Variants in RNF130 observed in about 807,000 individuals in gnomAD.
The protein encoded by RNF130 is ring finger protein 130, also known as E3 ubiquitin-protein ligase RNF130.
A neutral mutation model predicts 44.6 loss-of-function variants in RNF130; 21 were observed. The observed-to-expected ratio is 0.47, with a 90% confidence interval of 0.33 to 0.68. The LOEUF (loss-of-function observed/expected upper bound fraction) is 0.68, where lower values mean the gene tolerates loss of function less well. Among genes scored for constraint, RNF130 ranks in the 30% least tolerant of loss-of-function variants. RNF130 has a pLI of 0.02. For missense variants in RNF130, 479 were observed against 560.6 expected, an observed-to-expected ratio of 0.85 and a Z score of 1.47; for synonymous variants, 214 against 210.4, an observed-to-expected ratio of 1.02 and a Z score of -0.15.
chr5:180,027,246 A>G (rs1764012659), intron 2 of RNF130, among the ~76,000 whole-genome samples: 1 of 152,082 alleles, frequency 6.6e-6, no homozygotes, highest in African/African-American at 2.4e-5. Context: ...AGCTTATGTG[A>G]TTCTGACACC....
intron 7 of RNF130, among the ~76,000 whole-genome samples, chr5:179,946,292 G>A (rs1762035450): frequency 6.6e-6 from 1 of 152,240 alleles, no homozygotes; most frequent in Non-Finnish European, 1.5e-5. Context: ...TAGCCGCGCG[G>A]GGTCTGTGTG....
chr5:179,985,744 T>C (rs1460688816), intron 3 of RNF130, among the ~76,000 whole-genome samples: 1 of 152,194 alleles, frequency 6.6e-6, no homozygotes, highest in Non-Finnish European at 1.5e-5. Context: ...GTCTTGATCA[T>C]AGACCTGACT....
intron 3 of RNF130, among the ~76,000 whole-genome samples, chr5:179,986,563 A>G (rs1386156930): frequency 2.6e-5 from 4 of 152,258 alleles, no homozygotes; most frequent in Non-Finnish European, 5.9e-5. Flanking sequence ...ATGACATTTC[A>G]AGTGGACACT....
At chr5:180,061,027 T>C (rs1423821568) in intron 1 of RNF130, among the ~76,000 whole-genome samples, 4 of 116,944 alleles carry the variant, frequency 3.4e-5, no homozygotes, top group Non-Finnish European at 6.4e-5. Flanking sequence ...GCCAAGATTG[T>C]CCCACTGCAC....
exon 8 of RNF130, chr5:179,920,099 C>T (rs755004099): frequency 5.1e-5 from 24 of 473,178 alleles, no homozygotes; most frequent in South Asian, 1.9e-4. Flanking sequence ...TCAGCTTGGG[C>T]GGGTTTTCAA....
At chr5:179,976,015 A>T (rs914880767) in intron 5 of RNF130, among the ~76,000 whole-genome samples, 9 of 152,122 alleles carry the variant, frequency 5.9e-5, no homozygotes, top group African/African-American at 2.2e-4. Context: ...AGGTCTGGAA[A>T]GCAATGAACT....
chr5:179,980,203 A>G lies in RNF130; in HGVS notation c.694-3T>C. On this transcript the variant is annotated splice_region_variant and splice_polypyrimidine_tract_variant and intron_variant, in intron 3 of 8. Transcript: ENST00000521389. ...TTGGCTGCATCTCCGAGACGACGCT[A>G]TGAAAATTGCAAATAAAAACAGATA... is the stretch of plus-strand genomic sequence containing the variant. The G allele has an allele frequency of 1.2e-6, 2 of 1,614,050 alleles. No individual in the cohort carries two copies. The highest frequency in any genetic ancestry group is 1.7e-6 in the Non-Finnish European group (2 of 1,179,908).
chr5:180,065,600 A>T (rs1765085241), intron 1 of RNF130, among the ~76,000 whole-genome samples: 1 of 152,076 alleles, frequency 6.6e-6, no homozygotes, highest in South Asian at 2.1e-4. Flanking sequence ...CTCTACTAAA[A>T]CTACAAAAAA....
At chr5:180,014,101 A>G (rs944665518) in intron 2 of RNF130, among the ~76,000 whole-genome samples, 1 of 152,234 alleles carries the variant, frequency 6.6e-6, no homozygotes, top group African/African-American at 2.4e-5. Context: ...CCAGCCTCTA[A>G]CAGTTGTCCA....
chr5:180,009,248 T>A (rs1050664657), intron 3 of RNF130, among the ~76,000 whole-genome samples: 7 of 152,124 alleles, frequency 4.6e-5, no homozygotes, highest in African/African-American at 1.7e-4. Context: ...AAGAAAAAAT[T>A]AATAAACCAT....
At chr5:180,016,124 ACAG>A (rs1447812039) in intron 2 of RNF130, among the ~76,000 whole-genome samples, 1 of 151,786 alleles carries the variant, frequency 6.6e-6, no homozygotes, top group Non-Finnish European at 1.5e-5. Context: ...GGGCAGGAGG[ACAG>A]CAGAACGAAA....
At chr5:179,986,634 C>T (rs889872628) in intron 3 of RNF130, among the ~76,000 whole-genome samples, 4 of 152,144 alleles carry the variant, frequency 2.6e-5, no homozygotes, top group Non-Finnish European at 4.4e-5. Flanking sequence ...TAATACAGTA[C>T]GTACTACTGT....
At chr5:179,924,213 C>G (rs1761674575) in intron 7 of RNF130, among the ~76,000 whole-genome samples, 1 of 151,748 alleles carries the variant, frequency 6.6e-6, no homozygotes, top group Non-Finnish European at 1.5e-5. Flanking sequence ...ATAAAAATTA[C>G]TGCTGGGCGT....
At chr5:179,960,323 T>C (rs1045754234) in intron 8 of RNF130, among the ~76,000 whole-genome samples, 2 of 152,234 alleles carry the variant, frequency 1.3e-5, no homozygotes, top group African/African-American at 4.8e-5. Context: ...ATTTACCAGA[T>C]CTGTTTGCAG....
intron 3 of RNF130, among the ~76,000 whole-genome samples, chr5:180,001,478 C>A (rs1385994337): frequency 6.6e-6 from 1 of 152,134 alleles, no homozygotes; most frequent in Non-Finnish European, 1.5e-5. Context: ...GTAGCTTGGA[C>A]CTAAGAGTCT....
At chr5:180,023,345 C>T (rs1763915370) in intron 2 of RNF130, among the ~76,000 whole-genome samples, 1 of 152,134 alleles carries the variant, frequency 6.6e-6, no homozygotes, top group Admixed American at 6.5e-5. Context: ...ATCTAATGCC[C>T]GGATCTTGGT....
chr5:180,032,985 T>A (rs1182442382), intron 2 of RNF130, among the ~76,000 whole-genome samples: 2 of 152,132 alleles, frequency 1.3e-5, no homozygotes, highest in Non-Finnish European at 2.9e-5. Context: ...CAGATTTTTT[T>A]TTTTTTTGAG....
chr5:179,920,795 A>ATATAT (rs1554099383), intron 7 of RNF130, among the ~76,000 whole-genome samples: 6 of 143,422 alleles, frequency 4.2e-5, no homozygotes, highest in African/African-American at 1.6e-4. Flanking sequence ...ATATATATAT[A>ATATAT]TTTTTTTTTT....
chr5:179,920,779 T>TTATATATTTA (rs1761617882), intron 7 of RNF130, among the ~76,000 whole-genome samples: 2 of 137,988 alleles, frequency 1.4e-5, no homozygotes, highest in Admixed American at 1.4e-4. Context: ...GCATATATAT[T>TTATATATTTA]TATATATATA....
Sources: gnomAD v4.1 joint callset for allele counts (sites outside exome capture counted in the v4.1 genomes callset) on GRCh38, gnomAD v4.1.1 for gene constraint, MANE v1.5 for transcripts, NCBI Gene and HGNC (gene_info 2026-07-23, HGNC 2026-07-21) for gene names.